Variants in NTN4 observed in about 807,000 individuals in gnomAD.
The protein encoded by NTN4 is netrin-4.
Under a neutral mutation model 73.6 loss-of-function variants are expected in NTN4, and 32 were observed. The ratio of observed to expected loss-of-function variants is 0.44; its 90% confidence interval spans 0.33 to 0.58. The LOEUF is 0.58. Among genes scored for constraint, NTN4 ranks in the 20% least tolerant of loss-of-function variants. The pLI is 0.04. For missense variants in NTN4, 654 were observed against 798.3 expected (o/e 0.82, Z 2.18); for synonymous variants, 258 against 287.5 (o/e 0.90, Z 1.04).
intron 5 of NTN4, among the ~76,000 whole-genome samples, chr12:95,698,784 G>A (rs1457648809): frequency 6.6e-6 from 1 of 151,984 alleles, no homozygotes; most frequent in Non-Finnish European, 1.5e-5. Context: ...TTGAGCCCAG[G>A]AGTTTGAGGC....
intron 5 of NTN4, among the ~76,000 whole-genome samples, chr12:95,692,953 T>C: frequency 6.6e-6 from 1 of 152,044 alleles, no homozygotes. Context: ...TTTGAGATCA[T>C]GTATGTAAAT....
At chr12:95,694,469 A>AAG (rs1291473467) in intron 5 of NTN4, among the ~76,000 whole-genome samples, 1 of 152,198 alleles carries the variant, frequency 6.6e-6, no homozygotes, top group Non-Finnish European at 1.5e-5. Flanking sequence ...TGCCTGCTGA[A>AAG]TTCTTAGAGC....
At position 95,774,244 on chromosome 12, in the gene NTN4, A is replaced by G. The variant is rs117328497; in HGVS notation, c.585+12695T>C. ...AATCATATAAATAACTTCAAGGCAA[A>G]TTAATCATCCCAGCTCTGGAATAGG... On this transcript the variant is annotated intron_variant, in intron 2 of 9. Transcript: ENST00000343702. 4.7e-3 allele frequency among the ~76,000 whole-genome samples: 709 copies of G among 152,018 alleles called. 1 individual carries two copies. The highest frequency in any genetic ancestry group is 0.024 in the Middle Eastern group (7 of 290).
At chr12:95,768,200 A>C (rs2079033163) in intron 2 of NTN4, among the ~76,000 whole-genome samples, 1 of 152,172 alleles carries the variant, frequency 6.6e-6, no homozygotes, top group Admixed American at 6.5e-5. Context: ...AGCTTGCTAA[A>C]GAATGTGGTA....
chr12:95,662,231 C>CTTTTTTTT (rs1592804538), intron 9 of NTN4, among the ~76,000 whole-genome samples: 1 of 33,488 alleles, frequency 3.0e-5, no homozygotes. Context: ...CTTCCTTTTT[C>CTTTTTTTT]TTTCTTTTTT....
At chr12:95,759,915 G>A (rs1471662067) in intron 2 of NTN4, among the ~76,000 whole-genome samples, 1 of 151,966 alleles carries the variant, frequency 6.6e-6, no homozygotes, top group African/African-American at 2.4e-5. Flanking sequence ...TAATGTCCTG[G>A]CTTGCTAATT....
At position 95,696,311 on chromosome 12, in the gene NTN4, G is replaced by T. The variant is rs17286306; in HGVS notation, c.1181-12600C>A. On this transcript the variant is annotated intron_variant, in intron 5 of 9. Coordinates refer to ENST00000343702, the MANE Select transcript of NTN4 (RefSeq NM_021229.4). ...CCACGGGGATAGAGACAATTTTGTTGTACAGACAGTGACTAGAATAGGCCT... is the reference window on the plus strand; with the variant it reads ...CCACGGGGATAGAGACAATTTTGTTTTACAGACAGTGACTAGAATAGGCCT... Among the ~76,000 whole-genome samples, 910 of 151,902 alleles carry T rather than the reference G, an allele frequency of 6.0e-3. 3 individuals carry two copies. Among genetic ancestry groups the T allele is most frequent in the Non-Finnish European group, 9.7e-3 (656 of 67,964 alleles).
At chr12:95,676,702 T>TAA (rs202069385) in intron 7 of NTN4, among the ~76,000 whole-genome samples, 3,745 of 141,486 alleles carry the variant, frequency 0.026, 168 homozygotes, top group East Asian at 0.26. Flanking sequence ...AGAGAAAACA[T>TAA]AAAAAAAAAA....
chr12:95,720,682 C>T (rs1351039682), intron 3 of NTN4, among the ~76,000 whole-genome samples: 2 of 152,096 alleles, frequency 1.3e-5, no homozygotes, highest in Non-Finnish European at 2.9e-5. Context: ...TCACATTTAG[C>T]TTTGTCCAGA....
rs2078335998 is a variant in NTN4, at chr12:95,683,547, A to G, written c.1345T>C (p.Cys449Arg). ...GGGTCACAGCTCCCCGCACAGTCAC[A>G]TGGTCGACAGCCATAGTCTCCGAAG... ...WGFGDYGCRPCDCAGSCDPIT... is the reference protein window; with the variant it reads ...WGFGDYGCRPRDCAGSCDPIT... Residue 449 changes from cysteine (C) to arginine (R), a missense_variant, in exon 6 of 10, where the codon TGT (cysteine) becomes CGT (arginine). Cys to Arg is a radical substitution (Grantham distance 180, BLOSUM62 -3). Transcript: ENST00000343702. 3 of 1,614,068 alleles carry G rather than the reference A, an allele frequency of 1.9e-6. No homozygotes were observed. Among genetic ancestry groups the G allele is most frequent in the Non-Finnish European group, 2.5e-6 (3 of 1,180,042 alleles).
intron 3 of NTN4, among the ~76,000 whole-genome samples, chr12:95,723,271 CTGAAATCCACT>C (rs1423354961): frequency 6.9e-6 from 1 of 144,612 alleles, no homozygotes; most frequent in Non-Finnish European, 1.6e-5. Context: ...GTGAAAGACT[CTGAAATCCACT>C]CCCTGTGCCC....
chr12:95,702,842 GT>G (rs36062868), intron 5 of NTN4, among the ~76,000 whole-genome samples: 32 of 125,570 alleles, frequency 2.5e-4, no homozygotes, highest in African/African-American at 3.0e-4. Context: ...GTTTTCAATG[GT>G]TTTTTTTTTT....
At chr12:95,762,855 A>G (rs2078998011) in intron 2 of NTN4, among the ~76,000 whole-genome samples, 1 of 152,198 alleles carries the variant, frequency 6.6e-6, no homozygotes, top group Admixed American at 6.5e-5. Flanking sequence ...AAATTGGCAA[A>G]CAAACTAACT....
intron 2 of NTN4, among the ~76,000 whole-genome samples, chr12:95,750,813 T>C (rs1005612506): frequency 5.9e-5 from 9 of 152,186 alleles, no homozygotes; most frequent in Admixed American, 2.0e-4. Context: ...CCTCAGCCTC[T>C]GCTTCTCCAC....
chr12:95,697,486 T>G (rs1176211942), intron 5 of NTN4, among the ~76,000 whole-genome samples: 1 of 152,174 alleles, frequency 6.6e-6, no homozygotes. Flanking sequence ...TCTTGATGGT[T>G]TTTGTTGGCC....
intron 3 of NTN4, among the ~76,000 whole-genome samples, chr12:95,730,933 C>A (rs2078732555): frequency 6.6e-6 from 1 of 152,182 alleles, no homozygotes; most frequent in Non-Finnish European, 1.5e-5. Context: ...TTTTCATCAG[C>A]AGCAAAAATG....
chr12:95,725,536 G>A (rs2078687342), intron 3 of NTN4, among the ~76,000 whole-genome samples: 1 of 152,090 alleles, frequency 6.6e-6, no homozygotes, highest in Non-Finnish European at 1.5e-5. Flanking sequence ...TCTAGTTCAC[G>A]TTTCCTGCTG....
intron 2 of NTN4, among the ~76,000 whole-genome samples, chr12:95,774,536 G>A (rs2121280495): frequency 6.6e-6 from 1 of 152,330 alleles, no homozygotes; most frequent in East Asian, 1.9e-4. Flanking sequence ...TAACTGAACA[G>A]TCATGCTTAG....
rs764464861 is a variant in NTN4 at position 95,738,003 on chromosome 12, C to T, written c.727G>A (p.Glu243Lys). 36 of 1,613,964 alleles carry T rather than the reference C, an allele frequency of 2.2e-5. No homozygotes were observed. The highest frequency in any genetic ancestry group is 2.9e-5 in the Non-Finnish European group (34 of 1,180,018). Residue 243 changes from glutamate (E) to lysine (K), a missense_variant, in exon 3 of 10, where the codon GAA (glutamate) becomes AAA (lysine). Glu to Lys is a moderately conservative substitution (Grantham distance 56). Coordinates refer to ENST00000343702, the MANE Select transcript of NTN4 (RefSeq NM_021229.4). ...TAGTGTGTAAAATGTTGAGGCTCTT[C>T]GTTCAGGTCATTTCTCTGACAGGGA... The part of the protein sequence containing the change: ...SCPCQRNDLN[E>K]EPQHFTHYAI...
Sources: gnomAD v4.1 joint callset for allele counts (sites outside exome capture counted in the v4.1 genomes callset) on GRCh38, gnomAD v4.1.1 for gene constraint, MANE v1.5 for transcripts, NCBI Gene and HGNC (gene_info 2026-07-23, HGNC 2026-07-21) for gene names.